The following RSPRY1 variants were observed in gnomAD, a reference collection of about 807,000 sequenced individuals.
RSPRY1 encodes ring finger and SPRY domain containing 1, also known as RING finger and SPRY domain-containing protein 1.
RSPRY1 carries 23 observed loss-of-function variants against 73.1 expected under a neutral mutation model. The ratio of observed to expected loss-of-function variants is 0.31; its 90% CI spans 0.23 to 0.45. RSPRY1 has a LOEUF of 0.45. Among genes scored for constraint, RSPRY1 ranks in the 20% least tolerant of loss-of-function variants. The pLI is 1.00. For missense variants in RSPRY1, 448 were observed against 698.7 expected (o/e 0.64, Z 4.05); for synonymous variants, 226 against 251.4 (o/e 0.90, Z 0.95).
chr16:57,230,805 A>G lies in RSPRY1; in HGVS notation c.1368A>G (p.Ser456=). 3 of 1,596,538 alleles carry G rather than the reference A, an allele frequency of 1.9e-6. No homozygotes were observed. Among genetic ancestry groups the G allele is most frequent in the Non-Finnish European group, 2.6e-6 (3 of 1,165,190 alleles). Residue 456 remains serine (S), a synonymous_variant, in exon 12 of 15, where the codon TCA becomes TCG. Coordinates refer to ENST00000394420, the MANE Select transcript of RSPRY1 (RefSeq NM_133368.3). The stretch of plus-strand genomic sequence containing the variant: ...TGCCTCCTGAAAAGCAAGTCTTTTC[A>G]TCTACTGTGTAAGTAGCTCTTCTCA... ...NQLPPEKQVF[S]STVSGFFAAA...
intron 6 of RSPRY1, 141 bp downstream of exon 6, chr16:57,214,087 C>A: frequency 1.6e-6 from 1 of 631,450 alleles, no homozygotes; most frequent in East Asian, 2.8e-5. Flanking sequence ...AGGTGTTTCC[C>A]GAGTGCTTAT....
chr16:57,224,655 G>A (rs1182288508), intron 10 of RSPRY1, among the ~76,000 whole-genome samples: 1 of 152,204 alleles, frequency 6.6e-6, no homozygotes, highest in Non-Finnish European at 1.5e-5. Flanking sequence ...TGTTCTCTGA[G>A]ATGTAAGCTT....
intron 1 of RSPRY1, among the ~76,000 whole-genome samples, chr16:57,189,589 T>C (rs1185503394): frequency 7.2e-5 from 8 of 111,058 alleles, no homozygotes; most frequent in South Asian, 5.4e-4. Context: ...TTTTCTTTTC[T>C]TTTCTTTTTT....
At chr16:57,200,656 G>C (rs1362390106) in intron 1 of RSPRY1, among the ~76,000 whole-genome samples, 5 of 108,862 alleles carry the variant, frequency 4.6e-5, no homozygotes, top group Non-Finnish European at 7.8e-5. Context: ...CTGGCCGGGC[G>C]GGGGGCTGAC....
intron 10 of RSPRY1, among the ~76,000 whole-genome samples, chr16:57,222,027 G>C (rs537915453): frequency 3.3e-5 from 5 of 152,228 alleles, no homozygotes. Context: ...AGGCCAATTG[G>C]CTTTCTTCTG....
intron 1 of RSPRY1, among the ~76,000 whole-genome samples, chr16:57,187,850 T>G (rs142933848): frequency 6.6e-6 from 1 of 152,226 alleles, no homozygotes; most frequent in East Asian, 1.9e-4. Flanking sequence ...GCTCTCAGAG[T>G]TTTCATTTAC....
At chr16:57,211,522 T>C (rs1389677570) in intron 4 of RSPRY1, among the ~76,000 whole-genome samples, 1 of 152,126 alleles carries the variant, frequency 6.6e-6, no homozygotes, top group Admixed American at 6.6e-5. Flanking sequence ...TGAGCTGAGA[T>C]TGCACCACTG....
chr16:57,199,819 C>T (rs1002205137), intron 1 of RSPRY1, among the ~76,000 whole-genome samples: 34 of 142,752 alleles, frequency 2.4e-4, no homozygotes, highest in Non-Finnish European at 4.1e-4. Context: ...ATTCTAACAG[C>T]GCCTTATCAG....
At chr16:57,189,379 C>T (rs1438036586) in intron 1 of RSPRY1, among the ~76,000 whole-genome samples, 1 of 151,850 alleles carries the variant, frequency 6.6e-6, no homozygotes, top group Non-Finnish European at 1.5e-5. Context: ...AGCAAAATAA[C>T]TTTTCATTTA....
chr16:57,233,830 C>T (rs1301385145), intron 13 of RSPRY1, among the ~76,000 whole-genome samples: 2 of 152,174 alleles, frequency 1.3e-5, no homozygotes, highest in East Asian at 3.8e-4. Context: ...TCATCACCCT[C>T]ACTGCTGCTA....
At chr16:57,205,243 A>T (rs1166419172) in intron 2 of RSPRY1, 7 of 512,988 alleles carry the variant, frequency 1.4e-5, no homozygotes, top group Non-Finnish European at 2.5e-5. Context: ...AGCAGAAAAC[A>T]CGATAAAGCT....
chr16:57,239,113 G>T lies in RSPRY1; in HGVS notation c.*138G>T. Reference sequence around the variant, plus strand: ...ATGGCCAGATTTTATGCTAAAAATGGTAGTTTGTCAAAGACAAAATTCTCT... The same window carrying T: ...ATGGCCAGATTTTATGCTAAAAATGTTAGTTTGTCAAAGACAAAATTCTCT... On this transcript the variant is annotated 3_prime_UTR_variant, in exon 15 of 15. Coordinates refer to ENST00000394420, the MANE Select transcript of RSPRY1 (RefSeq NM_133368.3). 1 of 410,402 alleles carries T rather than the reference G, an allele frequency of 2.4e-6. No individual in the cohort carries two copies. Among genetic ancestry groups the T allele is most frequent in the Non-Finnish European group, 4.3e-6 (1 of 233,674 alleles). The allele number at this position is 410,402 out of a possible 1,614,324, so 25.4% of individuals were successfully genotyped here.
intron 5 of RSPRY1, 79 bp downstream of exon 5, chr16:57,213,177 C>T (rs917573733): frequency 7.4e-7 from 1 of 1,350,666 alleles, no homozygotes; most frequent in Non-Finnish European, 1.0e-6. Context: ...TGTCTTTGAT[C>T]AAACTGCTAT....
At chr16:57,202,582 G>A (rs2074639074) in intron 1 of RSPRY1, among the ~76,000 whole-genome samples, 1 of 152,110 alleles carries the variant, frequency 6.6e-6, no homozygotes, top group African/African-American at 2.4e-5. Context: ...TTTAGAATGT[G>A]TTCTTTTAAA....
intron 5 of RSPRY1, among the ~76,000 whole-genome samples, chr16:57,213,454 G>A (rs1184627458): frequency 6.6e-6 from 1 of 152,190 alleles, no homozygotes; most frequent in African/African-American, 2.4e-5. Context: ...ATAAAGTTTA[G>A]CTCGATTATG....
intron 5 of RSPRY1, 26 bp downstream of exon 5, chr16:57,213,124 A>G: frequency 6.3e-7 from 1 of 1,596,870 alleles, no homozygotes; most frequent in South Asian, 1.1e-5. Flanking sequence ...TCCACAGTGG[A>G]AGATCTTAAG....
intron 8 of RSPRY1, 32 bp downstream of exon 8, chr16:57,217,067 C>A (rs543939131): frequency 1.2e-6 from 2 of 1,612,866 alleles, no homozygotes; most frequent in South Asian, 1.1e-5. Context: ...TTAAAATGTC[C>A]GTTTCCATTT....
At chr16:57,228,379 C>T (rs1330346154) in intron 11 of RSPRY1, among the ~76,000 whole-genome samples, 1 of 150,658 alleles carries the variant, frequency 6.6e-6, no homozygotes, top group South Asian at 2.1e-4. Context: ...GAAAAGCCAA[C>T]AGGAACACTC....
chr16:57,204,376 C>T, intron 1 of RSPRY1, 128 bp from the exon 2 acceptor site: 1 of 333,590 alleles, frequency 3.0e-6, no homozygotes, highest in Non-Finnish European at 5.5e-6. Flanking sequence ...GTATTGGAAA[C>T]CTATAAAAAT....
Sources: gnomAD v4.1 joint callset for allele counts (sites outside exome capture counted in the v4.1 genomes callset) on GRCh38, gnomAD v4.1.1 for gene constraint, MANE v1.5 for transcripts, NCBI Gene and HGNC (gene_info 2026-07-23, HGNC 2026-07-21) for gene names.